The following TSPEAR variants were observed in gnomAD, a reference collection of about 807,000 sequenced individuals.
The protein encoded by TSPEAR is thrombospondin-type laminin G domain and EAR repeat-containing protein.
A neutral mutation model predicts 71.6 loss-of-function variants in TSPEAR; 69 were observed. The observed-to-expected ratio is 0.96, with a 90% CI of 0.79 to 1.18. TSPEAR has a LOEUF of 1.18. Ranked by LOEUF, TSPEAR falls within the 50% of genes most tolerant of loss-of-function variation. TSPEAR has a pLI of 0.00. For missense variants in TSPEAR, 971 were observed against 894.9 expected, an observed-to-expected ratio of 1.09 and a Z score of -1.09; for synonymous variants, 402 against 387.2, an observed-to-expected ratio of 1.04 and a Z score of -0.45.
chr21:44,675,861 C>T, intron 1 of TSPEAR: 1 of 674,074 alleles, frequency 1.5e-6, no homozygotes, highest in Non-Finnish European at 2.7e-6. Flanking sequence ...GAAAATCTTC[C>T]TAGACCTTAC....
chr21:44,529,228 C>T (rs1043662847), intron 5 of TSPEAR, among the ~76,000 whole-genome samples: 3 of 152,168 alleles, frequency 2.0e-5, no homozygotes, highest in Admixed American at 6.5e-5. Flanking sequence ...GGGGATGCGG[C>T]GGGGAGGGGC....
At chr21:44,569,232 T>G (rs457647) in intron 1 of TSPEAR, among the ~76,000 whole-genome samples, 1 of 152,178 alleles carries the variant, frequency 6.6e-6, no homozygotes, top group South Asian at 2.1e-4. Flanking sequence ...AAAAGCATCC[T>G]GGTCCGCACA....
At chr21:44,671,027 G>A (rs1601550216) in intron 1 of TSPEAR, among the ~76,000 whole-genome samples, 1 of 152,180 alleles carries the variant, frequency 6.6e-6, no homozygotes, top group Admixed American at 6.5e-5. Context: ...TGTGTGGCCT[G>A]GCACTGCACC....
intron 1 of TSPEAR, chr21:44,666,346 T>C: frequency 7.5e-7 from 1 of 1,330,568 alleles, no homozygotes; most frequent in Non-Finnish European, 1.0e-6. Context: ...AGCATGCTTT[T>C]CACCTGCACC....
At position 44,647,493 on chromosome 21, in the gene TSPEAR, G is replaced by A. The variant is rs75189616; in HGVS notation, c.82+63940C>T. The A allele has an allele frequency of 1.5e-3, 1,568 of 1,038,398 alleles. 25 individuals are homozygous for A. The African/African-American group carries it at 0.022, about 14-fold the overall frequency. The allele number at this position is 1,038,398 out of a possible 1,614,324, so 64.3% of individuals were successfully genotyped here. Reference sequence around the variant, plus strand: ...CTGCTGCCTGAAGGGGATTTTGAGCGCGTCACACTTTCCTCCCCACTGTCT... The same window carrying A: ...CTGCTGCCTGAAGGGGATTTTGAGCACGTCACACTTTCCTCCCCACTGTCT... On this transcript the variant is annotated intron_variant, in intron 1 of 11. Coordinates refer to ENST00000323084, the MANE Select transcript of TSPEAR (RefSeq NM_144991.3).
chr21:44,545,397 A>G (rs1555917659), intron 2 of TSPEAR, among the ~76,000 whole-genome samples: 1 of 152,150 alleles, frequency 6.6e-6, no homozygotes, highest in East Asian at 1.9e-4. Context: ...GGACTTGAAG[A>G]ACCCCCTAAA....
chr21:44,700,974 C>G (rs1987620668), intron 1 of TSPEAR, among the ~76,000 whole-genome samples: 1 of 152,150 alleles, frequency 6.6e-6, no homozygotes, highest in Non-Finnish European at 1.5e-5. Context: ...GAGGCAGAAA[C>G]CAACAGAACC....
At position 44,604,987 on chromosome 21, in the gene TSPEAR, A is replaced by C. The variant is rs115291436; in HGVS notation, c.83-36982T>G. 9.4e-3 allele frequency among the ~76,000 whole-genome samples: 1,437 copies of C among 152,310 alleles called. 19 individuals are homozygous for C. The highest frequency in any genetic ancestry group is 0.033 in the African/African-American group (1,354 of 41,566). ...AATGTGCTGTTGAATTCAGTTTGCT[A>C]GTCTTTTTTTGAGGATTTTTGCATC... On this transcript the variant is annotated intron_variant, in intron 1 of 11. Coordinates refer to ENST00000323084, the MANE Select transcript of TSPEAR (RefSeq NM_144991.3).
intron 1 of TSPEAR, among the ~76,000 whole-genome samples, chr21:44,606,936 C>T (rs1373990145): frequency 6.6e-6 from 1 of 152,144 alleles, no homozygotes; most frequent in Non-Finnish European, 1.5e-5. Context: ...GAGGAAAAAG[C>T]TTTAGTGACC....
At chr21:44,690,566 G>A (rs1445344885) in intron 1 of TSPEAR, 5 of 985,294 alleles carry the variant, frequency 5.1e-6, no homozygotes, top group Non-Finnish European at 3.6e-6. Flanking sequence ...CATGATGTCC[G>A]GGAGGTCAGC....
At chr21:44,668,559 A>C (rs1555945326) in intron 1 of TSPEAR, among the ~76,000 whole-genome samples, 3 of 152,248 alleles carry the variant, frequency 2.0e-5, no homozygotes, top group Non-Finnish European at 2.9e-5. Flanking sequence ...GTTTATGTGG[A>C]GTCTCAAGGG....
chr21:44,547,718 G>T (rs2053324160), intron 2 of TSPEAR, among the ~76,000 whole-genome samples: 1 of 152,130 alleles, frequency 6.6e-6, no homozygotes, highest in Admixed American at 6.5e-5. Context: ...TCTGTGTATT[G>T]GTCCACACCC....
chr21:44,677,999 A>G, intron 1 of TSPEAR: 1 of 988,228 alleles, frequency 1.0e-6, no homozygotes, highest in Non-Finnish European at 1.6e-6. Flanking sequence ...TATCGGCGGC[A>G]TGGTCACAGT....
intron 9 of TSPEAR, chr21:44,515,693 C>G (rs1198541009): frequency 6.6e-6 from 1 of 152,174 alleles, no homozygotes; most frequent in Non-Finnish European, 1.5e-5. Context: ...GTAGAGTGGC[C>G]GCCTTCTGGG....
Position 44,652,175 on chromosome 21 carries a change from G to C in TSPEAR, c.82+59258C>G, listed in dbSNP as rs956336057. Among the ~76,000 whole-genome samples the C allele has an allele frequency of 2.6e-5, 4 of 152,096 alleles. No homozygotes were observed. In the East Asian group the frequency reaches 7.7e-4, roughly 29 times the overall value. ...ATTTTTTGTATTTTTAGTAGAGACG[G>C]GGTTTCACTGTGTTAGCCAGGATGG... On this transcript the variant is annotated intron_variant, in intron 1 of 11. Transcript: ENST00000323084.
At chr21:44,539,166 G>C (rs1177140430) in intron 2 of TSPEAR, 29 of 1,405,678 alleles carry the variant, frequency 2.1e-5, no homozygotes, top group Non-Finnish European at 2.6e-5. Flanking sequence ...CAAGGAGGGG[G>C]GGTCACCTCA....
At chr21:44,599,956 T>A (rs587633655) in intron 1 of TSPEAR, among the ~76,000 whole-genome samples, 4 of 152,230 alleles carry the variant, frequency 2.6e-5, no homozygotes, top group African/African-American at 9.6e-5. Context: ...CAAACAGGGA[T>A]CTGGGGCCTC....
At chr21:44,550,576 G>A (rs1288462750) in intron 2 of TSPEAR, 82 of 1,460,028 alleles carry the variant, frequency 5.6e-5, no homozygotes, top group Middle Eastern at 5.0e-4. Flanking sequence ...CTGGGCGGCT[G>A]TGGCTGGGGC....
At chr21:44,515,770 C>T (rs913705303) in intron 9 of TSPEAR, 5 of 152,262 alleles carry the variant, frequency 3.3e-5, no homozygotes, top group Admixed American at 6.5e-5. Flanking sequence ...CCACGTTCCA[C>T]GAACACCTCC....
Sources: gnomAD v4.1 joint callset for allele counts (sites outside exome capture counted in the v4.1 genomes callset) on GRCh38, gnomAD v4.1.1 for gene constraint, MANE v1.5 for transcripts, NCBI Gene and HGNC (gene_info 2026-07-23, HGNC 2026-07-21) for gene names.